The following SLC22A16 variants were observed in gnomAD, a reference collection of about 807,000 sequenced individuals.
SLC22A16 encodes WUGSC:RG331P03.1.
In SLC22A16, 53 loss-of-function variants were observed where a neutral mutation model predicts 52.9. That is an observed-to-expected ratio of 1.00 (90% confidence interval 0.80 to 1.26). The LOEUF (loss-of-function observed/expected upper bound fraction) is 1.26, where lower values mean the gene tolerates loss of function less well. Ranked by LOEUF, SLC22A16 falls within the 50% of genes most tolerant of loss-of-function variation. The probability of loss-of-function intolerance (pLI) is 0.00; values close to 1 mark genes in which losing one functional copy is unlikely to be tolerated. For synonymous variants in SLC22A16, 291 were observed against 268.8 expected (o/e 1.08, Z -0.81); for missense variants, 726 against 704.0 (o/e 1.03, Z -0.35).
intron 7 of SLC22A16, among the ~76,000 whole-genome samples, chr6:110,430,285 C>A (rs916444762): frequency 6.6e-6 from 1 of 152,016 alleles, no homozygotes; most frequent in Admixed American, 6.6e-5. Context: ...AAGTGGAAGA[C>A]AGGTGTCACT....
chr6:110,471,779 C>T (rs1449231518), intron 1 of SLC22A16, among the ~76,000 whole-genome samples: 2 of 152,160 alleles, frequency 1.3e-5, no homozygotes, highest in Admixed American at 6.5e-5. Context: ...TATGACAACT[C>T]ATCAGGCTGT....
In SLC22A16 at chr6:110,476,542, G is replaced by T; in HGVS notation, c.33C>A (p.Asp11Glu). ...CATACCTGCCGAAGTGCCCCACGTG[G>T]TCATAAATCCCCTCGAAGTGGCGGG... MGSRHFEGIY[D>E]HVGHFGRFQR... Residue 11 changes from aspartate (D) to glutamate (E), a missense_variant, in exon 1 of 8, where the codon GAC becomes GAA. Physicochemically the swap from Asp to Glu is conservative, Grantham distance 45. Transcript: ENST00000368919. 1.3e-6 allele frequency: 2 copies of T among 1,542,532 alleles called. No individual in the cohort carries two copies. Among genetic ancestry groups the T allele is most frequent in the Non-Finnish European group, 1.7e-6 (2 of 1,146,922 alleles).
chr6:110,431,415 G>A (rs750328221), intron 6 of SLC22A16, 145 bp from the exon 7 acceptor site: 7 of 630,462 alleles, frequency 1.1e-5, no homozygotes, highest in East Asian at 5.5e-5. Context: ...AGTCAACCTC[G>A]GTGGCCCCGC....
intron 2 of SLC22A16, 127 bp downstream of exon 2, chr6:110,456,411 A>G: frequency 8.7e-7 from 1 of 1,149,858 alleles, no homozygotes; most frequent in African/African-American, 1.5e-5. Flanking sequence ...GGATCAGCAA[A>G]GAGGTAGGTA....
intron 5 of SLC22A16, among the ~76,000 whole-genome samples, chr6:110,436,730 TG>T (rs1562280166): frequency 6.6e-6 from 1 of 152,220 alleles, no homozygotes; most frequent in Non-Finnish European, 1.5e-5. Context: ...TATTTGAAAG[TG>T]GTAACTATTA....
At chr6:110,451,269 C>A (rs1361288786) in intron 2 of SLC22A16, among the ~76,000 whole-genome samples, 2 of 152,124 alleles carry the variant, frequency 1.3e-5, no homozygotes, top group South Asian at 2.1e-4. Context: ...GCTGTGAGGG[C>A]ACTTTTATGC....
chr6:110,439,985 A>T (rs1774899224), intron 4 of SLC22A16: 1 of 152,254 alleles, frequency 6.6e-6, no homozygotes, highest in Non-Finnish European at 1.5e-5. Context: ...GCAACTTACA[A>T]AGAACAATAT....
At chr6:110,474,838 TTTGA>T in intron 1 of SLC22A16, 2 of 487,430 alleles carry the variant, frequency 4.1e-6, no homozygotes, top group Non-Finnish European at 8.2e-6. Context: ...GAGGAATCTG[TTTGA>T]TTGGGCACTT....
intron 1 of SLC22A16, among the ~76,000 whole-genome samples, chr6:110,462,461 C>T (rs1775918815): frequency 6.6e-6 from 1 of 151,912 alleles, no homozygotes; most frequent in Non-Finnish European, 1.5e-5. Context: ...AAACTTAGGA[C>T]ATGAAAGACA....
At chr6:110,431,643 C>A (rs1562277123) in intron 6 of SLC22A16, among the ~76,000 whole-genome samples, 1 of 152,138 alleles carries the variant, frequency 6.6e-6, no homozygotes, top group African/African-American at 2.4e-5. Context: ...GATGTTCTGA[C>A]AACCACGAAA....
At chr6:110,462,119 C>A (rs980334824) in intron 1 of SLC22A16, among the ~76,000 whole-genome samples, 1 of 152,194 alleles carries the variant, frequency 6.6e-6, no homozygotes, top group Non-Finnish European at 1.5e-5. Flanking sequence ...TTTACTGTCA[C>A]AAGAACAGCA....
chr6:110,427,430 G>C (rs575852983), intron 7 of SLC22A16, among the ~76,000 whole-genome samples: 5 of 152,232 alleles, frequency 3.3e-5, no homozygotes, highest in Non-Finnish European at 7.4e-5. Context: ...TGAAAGAATA[G>C]TATCTGTCGC....
chr6:110,445,449 T>A (rs1775133418), intron 3 of SLC22A16, among the ~76,000 whole-genome samples: 1 of 152,196 alleles, frequency 6.6e-6, no homozygotes, highest in Non-Finnish European at 1.5e-5. Context: ...CCTACTAGAC[T>A]TACTGAGACA....
chr6:110,442,345 G>GT lies in SLC22A16; in HGVS notation c.1081dup (p.Thr361AsnfsTer22). ...TCCAGTGAACCAGATTAGCCAAACG[G>GT]TAAGTGTCCTTTTCGTAATGCTCCA... is the stretch of plus-strand genomic sequence containing the variant. On this transcript the variant is annotated frameshift_variant, in exon 4 of 8. Coordinates refer to ENST00000368919, the MANE Select transcript of SLC22A16 (RefSeq NM_033125.4). LOFTEE classifies it high-confidence loss of function. 1 of 1,614,154 alleles carries GT rather than the reference G, an allele frequency of 6.2e-7. No homozygotes were observed. Among genetic ancestry groups the GT allele is most frequent in the Non-Finnish European group, 8.5e-7 (1 of 1,180,002 alleles).
chr6:110,468,297 G>A (rs557275836), intron 1 of SLC22A16, among the ~76,000 whole-genome samples: 1 of 152,290 alleles, frequency 6.6e-6, no homozygotes, highest in East Asian at 1.9e-4. Flanking sequence ...GGGCTAATGG[G>A]AGCTAGCTCT....
At chr6:110,447,408 T>C (rs1181465208) in intron 2 of SLC22A16, among the ~76,000 whole-genome samples, 1 of 152,154 alleles carries the variant, frequency 6.6e-6, no homozygotes, top group African/African-American at 2.4e-5. Context: ...ACCTTCTTCT[T>C]CTAGAATAAT....
At chr6:110,443,928 C>G (rs919393421) in intron 3 of SLC22A16, among the ~76,000 whole-genome samples, 2 of 152,094 alleles carry the variant, frequency 1.3e-5, no homozygotes, top group African/African-American at 4.8e-5. Context: ...CTCATAGAGA[C>G]AGGATGTAGA....
At chr6:110,473,771 T>C (rs5029496) in intron 1 of SLC22A16, among the ~76,000 whole-genome samples, 8,501 of 138,776 alleles carry the variant, frequency 0.061, 4 homozygotes, top group East Asian at 0.17. Context: ...GTGATCTGCC[T>C]GCCTCAGCCT....
intron 1 of SLC22A16, among the ~76,000 whole-genome samples, chr6:110,457,290 G>C (rs1259736410): frequency 1.3e-5 from 2 of 152,214 alleles, no homozygotes; most frequent in Non-Finnish European, 2.9e-5. Context: ...TCTCCAATGA[G>C]AGGAGCCAGA....
Sources: gnomAD v4.1 joint callset for allele counts (sites outside exome capture counted in the v4.1 genomes callset) on GRCh38, gnomAD v4.1.1 for gene constraint, MANE v1.5 for transcripts, NCBI Gene and HGNC (gene_info 2026-07-23, HGNC 2026-07-21) for gene names.